The following WDR33 variants were observed in gnomAD, a reference collection of about 807,000 sequenced individuals.
WDR33 encodes WD repeat domain 33, also known as pre-mRNA 3' end processing protein WDR33.
Under a neutral mutation model 164.9 loss-of-function variants are expected in WDR33, and 47 were observed. That is an observed-to-expected ratio of 0.29 (90% CI 0.23 to 0.36). The LOEUF (loss-of-function observed/expected upper bound fraction) is 0.36. Ranked by LOEUF, WDR33 falls within the 10% of genes least tolerant of loss-of-function variation. The pLI is 1.00. For missense variants in WDR33, 1,137 were observed against 1,754.1 expected (o/e 0.65, Z 6.28); for synonymous variants, 505 against 589.0 (o/e 0.86, Z 2.06).
At position 127,706,469 on chromosome 2, in the gene WDR33, G is replaced by A; in HGVS notation, c.3865C>T (p.His1289Tyr). The change falls in exon 22 of 22, where the codon CAC (histidine) becomes TAC (tyrosine). Residue 1289 changes from histidine (H) to tyrosine (Y), a missense_variant. Around this residue, in one of 9 missense-constraint regions of WDR33, gnomAD observed 867 missense variants for 1,073.0 expected, o/e 0.81. Transcript: ENST00000322313. This position sits in a 1 kb window ranked among gnomAD's most constrained non-coding sequence, Gnocchi z 5.1. ...SLDGEHHDGY[H>Y]RDEPFGGPPG... is the part of the protein sequence containing the mutation. ...GGGCCCCCAAAAGGTTCATCTCTGTGGTATCCATCGTGGTGCTCTCCGTCT... is the reference window on the plus strand; with the variant it reads ...GGGCCCCCAAAAGGTTCATCTCTGTAGTATCCATCGTGGTGCTCTCCGTCT... 1 of 1,613,628 alleles carries A rather than the reference G, an allele frequency of 6.2e-7. No homozygotes were observed.
At position 127,701,494 on chromosome 2, in the gene WDR33, C is replaced by T. The variant is rs1374687586; in HGVS notation, c.*4829G>A. The T allele has an allele frequency of 6.3e-6, 8 of 1,274,156 alleles. 1 individual carries two copies. Among genetic ancestry groups the T allele is most frequent in the Middle Eastern group, 3.1e-4 (1 of 3,264 alleles). The allele number at this position is 1,274,156 out of a possible 1,614,324, so 78.9% of individuals were successfully genotyped here. Reference sequence around the variant, plus strand: ...CTTCAGCGGAGGGCCGGAAGTGAGCCGCAGCTTTTCCTTTCTGCCACCGCC... The same window carrying T: ...CTTCAGCGGAGGGCCGGAAGTGAGCTGCAGCTTTTCCTTTCTGCCACCGCC... On this transcript the variant is annotated 3_prime_UTR_variant, in exon 22 of 22. Coordinates refer to ENST00000322313, the MANE Select transcript of WDR33 (RefSeq NM_018383.5).
intron 1 of WDR33, among the ~76,000 whole-genome samples, chr2:127,800,814 C>A (rs1359028160): frequency 6.6e-6 from 1 of 152,030 alleles, no homozygotes; most frequent in Non-Finnish European, 1.5e-5. Flanking sequence ...TTTATTAAAG[C>A]TATTTAAGAC....
At chr2:127,729,013 T>G (rs1686637841) in intron 7 of WDR33, among the ~76,000 whole-genome samples, 1 of 152,172 alleles carries the variant, frequency 6.6e-6, no homozygotes, top group African/African-American at 2.4e-5. Flanking sequence ...TCTCTAAAAT[T>G]TATTAAAGTA....
rs1490327348 is a variant in WDR33, at chr2:127,704,590, T to G, written c.*1733A>C. 6.0e-6 allele frequency: 1 copy of G among 167,038 alleles called. No homozygotes were observed. Among genetic ancestry groups the G allele is most frequent in the Non-Finnish European group, 1.5e-5 (1 of 68,106 alleles). 10.3% of individuals were successfully genotyped at this position (167,038 alleles called of 1,614,324 possible). On this transcript the variant is annotated 3_prime_UTR_variant, in exon 22 of 22. Transcript: ENST00000322313. Reference sequence around the variant, plus strand: ...TAATAGCATGTTTATGGTGGAGCGCTGATTAAATAAGCTGTAATTTCAAAG... The same window carrying G: ...TAATAGCATGTTTATGGTGGAGCGCGGATTAAATAAGCTGTAATTTCAAAG...
intron 7 of WDR33, among the ~76,000 whole-genome samples, chr2:127,745,085 G>C (rs1165233596): frequency 1.3e-5 from 2 of 152,138 alleles, no homozygotes; most frequent in African/African-American, 4.8e-5. Flanking sequence ...CACAGGACCA[G>C]ATATAGAAGG....
intron 1 of WDR33, among the ~76,000 whole-genome samples, chr2:127,792,671 G>A (rs574130522): frequency 1.8e-4 from 27 of 149,772 alleles, no homozygotes; most frequent in African/African-American, 5.9e-4. Context: ...GTGAGACCCC[G>A]TCTCAAAAAG....
At position 127,717,194 on chromosome 2, in the gene WDR33, G is replaced by C. The variant is rs933281297; in HGVS notation, c.2830C>G (p.Pro944Ala). 6.2e-7 allele frequency: 1 copy of C among 1,609,880 alleles called. No homozygotes were observed. Among genetic ancestry groups the C allele is most frequent in the African/African-American group, 1.3e-5 (1 of 74,858 alleles). ...GGTCCTTGTCCGGGGTTCAGAGGGG[G>C]AATGCGACCTTGTGCTCCCTGCTGC... ...LGQQGAQGRIPPLNPGQGPGP... is the reference protein window; with the variant it reads ...LGQQGAQGRIAPLNPGQGPGP... Residue 944 changes from proline (P) to alanine (A), a missense_variant, in exon 17 of 22, where the codon CCC becomes GCC. Transcript: ENST00000322313. This position sits in a 1 kb window ranked among gnomAD's most constrained non-coding sequence, Gnocchi z 5.6.
chr2:127,802,221 A>T (rs886395157), intron 1 of WDR33, among the ~76,000 whole-genome samples: 11 of 147,712 alleles, frequency 7.4e-5, no homozygotes, highest in Admixed American at 3.4e-4. Context: ...CACAATTTAT[A>T]AAAAAAAAAA....
chr2:127,776,239 C>A (rs1410486508), intron 1 of WDR33, among the ~76,000 whole-genome samples: 1 of 152,072 alleles, frequency 6.6e-6, no homozygotes, highest in African/African-American at 2.4e-5. Flanking sequence ...CATCTAGAAG[C>A]CAAGAGGAGA....
rs1206674701 is a variant in WDR33 at position 127,711,764 on chromosome 2, A to ATTTTT, written c.3308+1818_3308+1819insAAAAA. The stretch of plus-strand genomic sequence containing the variant: ...ACCACATATACAGATATATATATAT[A>ATTTTT]TATATATATATATATATTTTTTTTT... On this transcript the variant is annotated intron_variant, in intron 18 of 21. Transcript: ENST00000322313. Among the ~76,000 whole-genome samples, 18 of 74,620 alleles carry ATTTTT rather than the reference A, an allele frequency of 2.4e-4. 4 individuals carry two copies. Among genetic ancestry groups the ATTTTT allele is most frequent in the African/African-American group, 2.1e-3 (17 of 8,048 alleles). The allele number at this position is 74,620 out of a possible 152,430, so 49.0% of individuals were successfully genotyped here.
At position 127,764,497 on chromosome 2, in the gene WDR33, A is replaced by G. The variant is rs1687763717; in HGVS notation, c.626+331T>C. 6.7e-7 allele frequency: 1 copy of G among 1,486,870 alleles called. No homozygotes were observed. The highest frequency in any genetic ancestry group is 8.9e-7 in the Non-Finnish European group (1 of 1,121,290). 92.1% of individuals were successfully genotyped at this position (1,486,870 alleles called of 1,614,324 possible). On this transcript the variant is annotated intron_variant, in intron 6 of 21. Transcript: ENST00000322313. This position sits in a 1 kb window ranked among gnomAD's most constrained non-coding sequence, Gnocchi z 6.2. ...ATTAAAGACTGAATTCTTTATTTGG[A>G]ATGAAATATTCTTGTCTTACACAGT...
In WDR33 at chr2:127,703,226, A is replaced by T. The variant is rs1685935854; in HGVS notation, c.*3097T>A. ...GCCAGTGGTCCTCGCGCTTGACTGC[A>T]CATCAGTTACTTGAAGAGCCACACC... On this transcript the variant is annotated 3_prime_UTR_variant, in exon 22 of 22. Coordinates refer to ENST00000322313, the MANE Select transcript of WDR33 (RefSeq NM_018383.5). The T allele has an allele frequency of 6.0e-6, 1 of 167,064 alleles. No homozygotes were observed. The highest frequency in any genetic ancestry group is 1.5e-5 in the Non-Finnish European group (1 of 68,118). The allele number at this position is 167,064 out of a possible 1,614,324, so 10.3% of individuals were successfully genotyped here. A position where few individuals can be genotyped will look rare whatever the true frequency, so the allele number is the denominator to read the frequency against.
Position 127,717,121 on chromosome 2 carries a change from A to C in WDR33, c.2869+34T>G, listed in dbSNP as rs560336800. On this transcript the variant is annotated intron_variant, in intron 17 of 21. Coordinates refer to ENST00000322313, the MANE Select transcript of WDR33 (RefSeq NM_018383.5). This position sits in a 1 kb window ranked among gnomAD's most constrained non-coding sequence, Gnocchi z 5.6. ...GTAAAATGTGCACAAAGGTGGTAGA[A>C]TATAATCTTTTATTCAGCTGAGCAG... 1 of 1,551,724 alleles carries C rather than the reference A, an allele frequency of 6.4e-7. No homozygotes were observed. Among genetic ancestry groups the C allele is most frequent in the East Asian group, 2.4e-5 (1 of 42,174 alleles).
chr2:127,732,896 G>A lies in WDR33; in HGVS notation c.725-6119C>T, dbSNP rs72968950. Among the ~76,000 whole-genome samples the A allele has an allele frequency of 7.9e-3, 1,199 of 152,238 alleles. 18 individuals are homozygous for A. The highest frequency in any genetic ancestry group is 0.027 in the African/African-American group (1,135 of 41,528). ...ATTTCAAACATTAAGCCTAAAGAATGCCTCTATACTAAATTTGATCATTTC... is the reference window on the plus strand; with the variant it reads ...ATTTCAAACATTAAGCCTAAAGAATACCTCTATACTAAATTTGATCATTTC... On this transcript the variant is annotated intron_variant, in intron 7 of 21. Coordinates refer to ENST00000322313, the MANE Select transcript of WDR33 (RefSeq NM_018383.5).
intron 1 of WDR33, among the ~76,000 whole-genome samples, chr2:127,788,064 G>A (rs1167217724): frequency 7.1e-5 from 6 of 84,460 alleles, no homozygotes; most frequent in African/African-American, 1.2e-4. Flanking sequence ...CTGGCCGGGC[G>A]GGGGGCCGAC....
chr2:127,807,283 G>A (rs1384624174), intron 1 of WDR33, among the ~76,000 whole-genome samples: 2 of 152,198 alleles, frequency 1.3e-5, no homozygotes, highest in Non-Finnish European at 2.9e-5. Context: ...TGGGATTACA[G>A]ATGTGAGCCA....
chr2:127,786,060 G>A (rs932699208), intron 1 of WDR33, among the ~76,000 whole-genome samples: 1 of 152,142 alleles, frequency 6.6e-6, no homozygotes, highest in Non-Finnish European at 1.5e-5. Context: ...TTTTGAGAGA[G>A]TCTCCCTCTG....
At position 127,709,890 on chromosome 2, in the gene WDR33, G is replaced by A. The variant is rs916373646; in HGVS notation, c.3309-34C>T. 1.9e-6 allele frequency: 3 copies of A among 1,607,564 alleles called. No homozygotes were observed. Among genetic ancestry groups the A allele is most frequent in the Non-Finnish European group, 2.5e-6 (3 of 1,176,944 alleles). ...AGAAAACAGCAGAATGTCCATCTCA[G>A]AGAACACCTTGCCACTCTAAGTTCA... is the stretch of plus-strand genomic sequence containing the variant. On this transcript the variant is annotated intron_variant, in intron 18 of 21. Coordinates refer to ENST00000322313, the MANE Select transcript of WDR33 (RefSeq NM_018383.5). The surrounding 1 kb of genome is among the most constrained non-coding windows in gnomAD (Gnocchi z 5.0).
intron 1 of WDR33, among the ~76,000 whole-genome samples, chr2:127,805,019 A>C (rs1689381696): frequency 6.6e-6 from 1 of 150,858 alleles, no homozygotes; most frequent in Non-Finnish European, 1.5e-5. Context: ...CATAGCTAGA[A>C]GTATATCCTC....
Sources: gnomAD v4.1 joint callset for allele counts (sites outside exome capture counted in the v4.1 genomes callset) on GRCh38, gnomAD v4.1.1 for gene constraint, gnomAD v4.1.1 regional missense constraint, Gnocchi (gnomAD v3.1) non-coding constraint, MANE v1.5 for transcripts, NCBI Gene and HGNC (gene_info 2026-07-23, HGNC 2026-07-21) for gene names.